Variants in PLXDC2 observed in about 807,000 individuals in gnomAD.
The protein encoded by PLXDC2 is plexin domain-containing protein 2.
PLXDC2 carries 40 observed loss-of-function variants against 68.9 expected under a neutral mutation model. That is an observed-to-expected ratio of 0.58 (90% confidence interval 0.45 to 0.76). The LOEUF (loss-of-function observed/expected upper bound fraction) is 0.76, where lower values mean the gene tolerates loss of function less well. Among genes scored for constraint, PLXDC2 ranks in the 30% least tolerant of loss-of-function variants. PLXDC2 has a pLI of 0.00. For missense variants in PLXDC2, 644 were observed against 661.9 expected, an observed-to-expected ratio of 0.97 and a Z score of 0.30; for synonymous variants, 243 against 234.2, an observed-to-expected ratio of 1.04 and a Z score of -0.34.
chr10:19,945,193 A>G (rs1411630666), intron 1 of PLXDC2, among the ~76,000 whole-genome samples: 3 of 152,172 alleles, frequency 2.0e-5, no homozygotes, highest in African/African-American at 7.2e-5. Flanking sequence ...ACATGTTCAT[A>G]TTTCTGCCCA....
intron 1 of PLXDC2, among the ~76,000 whole-genome samples, chr10:19,965,703 GA>G (rs1275538199): frequency 8.0e-6 from 1 of 124,580 alleles, no homozygotes; most frequent in East Asian, 3.0e-4. Flanking sequence ...GATTTCTCTG[GA>G]AAACAGTTTT....
chr10:20,080,849 C>G (rs1390612335), intron 4 of PLXDC2, among the ~76,000 whole-genome samples: 2 of 152,210 alleles, frequency 1.3e-5, no homozygotes, highest in African/African-American at 4.8e-5. Context: ...CAGAGGAGAT[C>G]CGCCCATCTG....
At chr10:19,853,278 A>T (rs909666973) in intron 1 of PLXDC2, among the ~76,000 whole-genome samples, 9 of 152,216 alleles carry the variant, frequency 5.9e-5, no homozygotes, top group Admixed American at 5.2e-4. Context: ...TGCTTATTGA[A>T]TAAGAACTGC....
chr10:19,865,454 G>A (rs746153457), intron 1 of PLXDC2, among the ~76,000 whole-genome samples: 2 of 152,166 alleles, frequency 1.3e-5, no homozygotes, highest in Non-Finnish European at 2.9e-5. Context: ...TGTACTCGAG[G>A]TTCTGCCCTC....
chr10:20,031,973 C>T (rs965119854), intron 2 of PLXDC2, among the ~76,000 whole-genome samples: 1 of 152,034 alleles, frequency 6.6e-6, no homozygotes, highest in African/African-American at 2.4e-5. Flanking sequence ...GTGTGTGCTA[C>T]CACGTCCAGC....
At chr10:19,837,489 A>G (rs1836822241) in intron 1 of PLXDC2, among the ~76,000 whole-genome samples, 1 of 151,736 alleles carries the variant, frequency 6.6e-6, no homozygotes, top group African/African-American at 2.4e-5. Flanking sequence ...AATGAGTTGG[A>G]AAGAAAGTAA....
Position 20,217,595 on chromosome 10 carries a change from G to GTTTTTTT in PLXDC2, c.1273+19_1273+20insTTTTTTT. 1 of 262,562 alleles carries GTTTTTTT rather than the reference G, an allele frequency of 3.8e-6. No homozygotes were observed. The allele number at this position is 262,562 out of a possible 1,614,324, so 16.3% of individuals were successfully genotyped here. ...ACAGAAGGTACCCAAGAGATAGTTT[G>GTTTTTTT]CTTTTTTTTTTTTTTTTTTTTTTTT... On this transcript the variant is annotated intron_variant, in intron 11 of 13. Transcript: ENST00000377252.
chr10:20,127,165 A>G lies in PLXDC2; in HGVS notation c.542-16130A>G, dbSNP rs1833804122. ...TGCAGATGGCTGTCTTTGAGAAAGC[A>G]AAGCTCTTCTACTCCTTTTGAGCTT... On this transcript the variant is annotated intron_variant, in intron 4 of 13. Coordinates refer to ENST00000377252, the MANE Select transcript of PLXDC2 (RefSeq NM_032812.9). 1.3e-5 allele frequency among the ~76,000 whole-genome samples: 2 copies of G among 152,128 alleles called. 1 individual carries two copies. The highest frequency in any genetic ancestry group is 4.1e-4 in the South Asian group (2 of 4,830).
In PLXDC2 at chr10:20,283,766, A is replaced by G. The variant is rs770445346; in HGVS notation, c.*3947A>G. Reference sequence around the variant, plus strand: ...AGGAGGCTTCCATTTAGAAGGCACTATCTCAAACATAAATAATTTCATATT... The same window carrying G: ...AGGAGGCTTCCATTTAGAAGGCACTGTCTCAAACATAAATAATTTCATATT... On this transcript the variant is annotated 3_prime_UTR_variant, in exon 14 of 14. Coordinates refer to ENST00000377252, the MANE Select transcript of PLXDC2 (RefSeq NM_032812.9). 6.6e-6 allele frequency: 1 copy of G among 152,210 alleles called. No homozygotes were observed. Among genetic ancestry groups the G allele is most frequent in the Non-Finnish European group, 1.5e-5 (1 of 68,036 alleles). 9.4% of individuals were successfully genotyped at this position (152,210 alleles called of 1,614,324 possible).
chr10:20,011,544 A>G (rs1564656127), intron 2 of PLXDC2, among the ~76,000 whole-genome samples: 1 of 152,202 alleles, frequency 6.6e-6, no homozygotes, highest in Non-Finnish European at 1.5e-5. Context: ...TGTGGGGGCC[A>G]TAACTCATCT....
At chr10:20,166,837 C>A (rs1326879314) in intron 7 of PLXDC2, among the ~76,000 whole-genome samples, 2 of 152,004 alleles carry the variant, frequency 1.3e-5, no homozygotes, top group African/African-American at 4.8e-5. Context: ...ATTTTGCATC[C>A]TTTGTTATGC....
intron 1 of PLXDC2, among the ~76,000 whole-genome samples, chr10:19,838,048 G>A (rs552567556): frequency 6.6e-6 from 1 of 152,026 alleles, no homozygotes; most frequent in East Asian, 1.9e-4. Context: ...GCCCAGACTG[G>A]AGTGCAGTGG....
chr10:20,136,878 A>G (rs989858833), intron 4 of PLXDC2, among the ~76,000 whole-genome samples: 3 of 152,216 alleles, frequency 2.0e-5, no homozygotes, highest in Non-Finnish European at 4.4e-5. Context: ...ACAAGCAATT[A>G]TAGCTTCTTT....
chr10:20,111,155 A>G (rs993355373), intron 4 of PLXDC2, among the ~76,000 whole-genome samples: 2 of 152,178 alleles, frequency 1.3e-5, no homozygotes, highest in Non-Finnish European at 2.9e-5. Flanking sequence ...CCTGCTCTAG[A>G]GGAATGTTCA....
intron 1 of PLXDC2, among the ~76,000 whole-genome samples, chr10:19,907,889 G>A (rs1335041780): frequency 2.0e-5 from 3 of 151,884 alleles, no homozygotes; most frequent in Non-Finnish European, 4.4e-5. Context: ...AAAGTCTGTC[G>A]GCAAAACAGA....
intron 1 of PLXDC2, among the ~76,000 whole-genome samples, chr10:19,986,210 T>A (rs1311977397): frequency 6.6e-6 from 1 of 152,190 alleles, no homozygotes; most frequent in Non-Finnish European, 1.5e-5. Flanking sequence ...CAGTGATTGA[T>A]AAACGTATTA....
chr10:20,116,661 G>A (rs1833627057), intron 4 of PLXDC2, among the ~76,000 whole-genome samples: 1 of 152,180 alleles, frequency 6.6e-6, no homozygotes, highest in South Asian at 2.1e-4. Context: ...TGAAAGAAAT[G>A]TACCTGTTTC....
At chr10:19,978,058 T>G (rs1385681601) in intron 1 of PLXDC2, among the ~76,000 whole-genome samples, 2 of 152,216 alleles carry the variant, frequency 1.3e-5, no homozygotes, top group Non-Finnish European at 2.9e-5. Context: ...CTTCCCTATG[T>G]TTCTGGTATA....
chr10:20,119,829 A>G (rs1029973425), intron 4 of PLXDC2, among the ~76,000 whole-genome samples: 3 of 151,984 alleles, frequency 2.0e-5, no homozygotes, highest in East Asian at 1.9e-4. Flanking sequence ...AACATTTGTC[A>G]TTTAGAATTA....
Sources: gnomAD v4.1 joint callset for allele counts (sites outside exome capture counted in the v4.1 genomes callset) on GRCh38, gnomAD v4.1.1 for gene constraint, MANE v1.5 for transcripts, NCBI Gene and HGNC (gene_info 2026-07-23, HGNC 2026-07-21) for gene names.